The following RASEF variants were observed in gnomAD, a reference collection of about 807,000 sequenced individuals.
The protein encoded by RASEF is RAS and EF-hand domain containing, also known as ras and EF-hand domain-containing protein.
A neutral mutation model predicts 90.1 loss-of-function variants in RASEF; 68 were observed. The ratio of observed to expected loss-of-function variants is 0.75; its 90% confidence interval spans 0.62 to 0.92. RASEF has a LOEUF of 0.92. RASEF is among the 40% of genes least tolerant of loss of function. RASEF has a pLI of 0.00. For synonymous variants in RASEF, 331 were observed against 345.2 expected (o/e 0.96, Z 0.46); for missense variants, 949 against 937.2 (o/e 1.01, Z -0.16).
the RASEF span, among the ~76,000 whole-genome samples, chr9:83,170,904 T>A: frequency 6.6e-6 from 1 of 151,962 alleles, no homozygotes; most frequent in African/African-American, 2.4e-5. Flanking sequence ...CCAATTTGGT[T>A]GCCTTTTCTG....
At chr9:83,098,026 G>T in the RASEF span, among the ~76,000 whole-genome samples, 379 of 152,160 alleles carry the variant, frequency 2.5e-3, 6 homozygotes, top group South Asian at 0.036. Flanking sequence ...TCTCATTGAG[G>T]TTATCCCTAA....
the RASEF span, among the ~76,000 whole-genome samples, chr9:83,159,094 G>A: frequency 5.9e-5 from 9 of 151,654 alleles, no homozygotes; most frequent in African/African-American, 2.2e-4. Context: ...GCTGAAGCAG[G>A]AGAATGGTGT....
At chr9:83,143,860 T>C in the RASEF span, among the ~76,000 whole-genome samples, 1 of 152,222 alleles carries the variant, frequency 6.6e-6, no homozygotes, top group Non-Finnish European at 1.5e-5. Flanking sequence ...TATGCTCATA[T>C]GTTCATAGCC....
intron 1 of RASEF, among the ~76,000 whole-genome samples, chr9:83,058,172 CTTTTTTTTTTTTTT>C (rs555842009): frequency 1.7e-5 from 1 of 57,888 alleles, no homozygotes. Context: ...GTATTTATGT[CTTTTTTTTTTTTTT>C]TTTTTTTTTT....
chr9:83,135,023 A>G, the RASEF span, among the ~76,000 whole-genome samples: 1 of 152,184 alleles, frequency 6.6e-6, no homozygotes, highest in Non-Finnish European at 1.5e-5. Context: ...ACTTACATGA[A>G]ACATCCTGAT....
intron 1 of RASEF, among the ~76,000 whole-genome samples, chr9:83,037,975 T>C (rs775925947): frequency 1.3e-5 from 2 of 151,982 alleles, no homozygotes; most frequent in Non-Finnish European, 2.9e-5. Flanking sequence ...ACAAATGAAA[T>C]TCTGTAATTA....
chr9:83,158,543 CAT>C, the RASEF span, among the ~76,000 whole-genome samples: 5 of 149,530 alleles, frequency 3.3e-5, no homozygotes, highest in Admixed American at 6.7e-5. Flanking sequence ...CACACACACA[CAT>C]ACACACACAC....
the RASEF span, among the ~76,000 whole-genome samples, chr9:83,110,899 A>G: frequency 4.6e-5 from 7 of 152,206 alleles, no homozygotes; most frequent in Non-Finnish European, 7.3e-5. Context: ...CCAGTTCTCC[A>G]GGCATTCCCA....
chr9:83,049,124 C>CAA (rs1232006240), intron 1 of RASEF: 36 of 84,980 alleles, frequency 4.2e-4, no homozygotes, highest in Non-Finnish European at 5.9e-4. Context: ...ACTCCGTCTC[C>CAA]AAAAAAAAAA....
At chr9:83,204,807 C>T in the RASEF span, among the ~76,000 whole-genome samples, 1 of 152,084 alleles carries the variant, frequency 6.6e-6, no homozygotes, top group African/African-American at 2.4e-5. Context: ...TAAACATATG[C>T]CAAAAAGATC....
the RASEF span, among the ~76,000 whole-genome samples, chr9:83,147,460 AC>A: frequency 6.6e-6 from 1 of 152,174 alleles, no homozygotes; most frequent in Non-Finnish European, 1.5e-5. Flanking sequence ...CCCTTACAGA[AC>A]ATGCTACAGG....
At chr9:83,109,822 TC>T in the RASEF span, among the ~76,000 whole-genome samples, 7 of 152,166 alleles carry the variant, frequency 4.6e-5, no homozygotes, top group South Asian at 2.1e-4. Flanking sequence ...CGTTATAAAT[TC>T]CCCCCTCAAT....
At chr9:83,000,021 AC>A (rs1462530425) in intron 12 of RASEF, 147 bp downstream of exon 12, 9 of 639,470 alleles carry the variant, frequency 1.4e-5, no homozygotes, top group African/African-American at 1.3e-4. Context: ...ACACACACAC[AC>A]ACACACACAC....
rs1828598483 is a variant in RASEF, at chr9:82,981,420, C to T, written c.*1257G>A. On this transcript the variant is annotated 3_prime_UTR_variant, in exon 17 of 17. Coordinates refer to ENST00000376447, the MANE Select transcript of RASEF (RefSeq NM_152573.4). ...TCTTTCAAGGATATTATTTCAAAACCATGCATAGAATTTCTTTCATTGATT... is the reference window on the plus strand; with the variant it reads ...TCTTTCAAGGATATTATTTCAAAACTATGCATAGAATTTCTTTCATTGATT... 6.6e-6 allele frequency: 1 copy of T among 152,158 alleles called. No individual in the cohort carries two copies. The highest frequency in any genetic ancestry group is 1.5e-5 in the Non-Finnish European group (1 of 68,042). 9.4% of individuals were successfully genotyped at this position (152,158 alleles called of 1,614,324 possible).
At chr9:83,039,720 T>C (rs537608623) in intron 1 of RASEF, among the ~76,000 whole-genome samples, 3 of 152,326 alleles carry the variant, frequency 2.0e-5, no homozygotes, top group Admixed American at 6.5e-5. Context: ...TTCTTCACTA[T>C]TTTTTCCCTT....
the RASEF span, among the ~76,000 whole-genome samples, chr9:83,139,633 G>A: frequency 6.6e-6 from 1 of 152,100 alleles, no homozygotes; most frequent in Admixed American, 6.6e-5. Flanking sequence ...AACAGGAGGG[G>A]TTAGTCTTGC....
chr9:83,003,040 T>C (rs1727495031), intron 9 of RASEF, among the ~76,000 whole-genome samples: 1 of 152,178 alleles, frequency 6.6e-6, no homozygotes, highest in African/African-American at 2.4e-5. Flanking sequence ...ATTAAATCTT[T>C]GTTAGAGTTC....
chr9:83,123,357 C>G, the RASEF span, among the ~76,000 whole-genome samples: 1 of 151,720 alleles, frequency 6.6e-6, no homozygotes, highest in Non-Finnish European at 1.5e-5. Context: ...CTACTGCTTT[C>G]TTACCAGTGA....
chr9:83,179,816 A>G, the RASEF span, among the ~76,000 whole-genome samples: 1 of 152,198 alleles, frequency 6.6e-6, no homozygotes, highest in Non-Finnish European at 1.5e-5. Flanking sequence ...ATACACACAC[A>G]CACGTACAGT....
Sources: allele counts gnomAD v4.1 joint callset (sites outside exome capture counted in the v4.1 genomes callset), GRCh38; gene constraint gnomAD v4.1.1; transcripts MANE v1.5; gene names NCBI Gene and HGNC (gene_info 2026-07-23, HGNC 2026-07-21).